Variants in FMN1 observed in about 807,000 individuals in gnomAD.
The protein encoded by FMN1 is formin 1.
In FMN1, 110 loss-of-function variants were observed where a neutral mutation model predicts 132.4. That is an observed-to-expected ratio of 0.83 (90% CI 0.71 to 0.97). The LOEUF is 0.97. FMN1 is among the 50% of genes least tolerant of loss of function. The probability of loss-of-function intolerance (pLI) is 0.00; values close to 1 mark genes in which losing one functional copy is unlikely to be tolerated. For synonymous variants in FMN1, 722 were observed against 651.7 expected (o/e 1.11, Z -1.64); for missense variants, 1,792 against 1,705.3 (o/e 1.05, Z -0.90).
At chr15:33,073,647 T>TA (rs905981740) in intron 5 of FMN1, among the ~76,000 whole-genome samples, 1 of 151,368 alleles carries the variant, frequency 6.6e-6, no homozygotes, top group African/African-American at 2.4e-5. Context: ...ATAAAAGGAG[T>TA]ACAAGATTAT....
chr15:33,150,060 A>G, intron 4 of FMN1: 2 of 985,430 alleles, frequency 2.0e-6, no homozygotes, highest in Non-Finnish European at 2.4e-6. Context: ...TTCCATCACC[A>G]CATCAGTGAC....
At chr15:32,911,842 A>G (rs139204405) in intron 10 of FMN1, among the ~76,000 whole-genome samples, 78 of 152,272 alleles carry the variant, frequency 5.1e-4, no homozygotes, top group African/African-American at 1.8e-3. Context: ...ATGTGAAACC[A>G]GTAAAGAAAA....
chr15:33,114,570 A>G (rs1330888768), intron 4 of FMN1, among the ~76,000 whole-genome samples: 1 of 152,208 alleles, frequency 6.6e-6, no homozygotes, highest in Admixed American at 6.5e-5. Context: ...ACCCAAGAAC[A>G]CCACGCAAAC....
intron 16 of FMN1, among the ~76,000 whole-genome samples, chr15:32,877,720 T>A (rs1429155756): frequency 6.6e-6 from 1 of 152,180 alleles, no homozygotes; most frequent in African/African-American, 2.4e-5. Context: ...AGTTTTCTCT[T>A]CAGACAGCTT....
intron 17 of FMN1, among the ~76,000 whole-genome samples, chr15:32,827,519 A>C (rs778841778): frequency 1.1e-4 from 17 of 152,176 alleles, no homozygotes; most frequent in Non-Finnish European, 1.6e-4. Flanking sequence ...ATCATTTCAC[A>C]TTATTGTCTT....
intron 4 of FMN1, among the ~76,000 whole-genome samples, chr15:33,099,099 T>C (rs1276361622): frequency 6.6e-6 from 1 of 152,088 alleles, no homozygotes; most frequent in African/African-American, 2.4e-5. Flanking sequence ...AAACCCCATC[T>C]ACAAAACTCC....
At chr15:32,828,375 T>C (rs1005895207) in intron 17 of FMN1, among the ~76,000 whole-genome samples, 3 of 152,244 alleles carry the variant, frequency 2.0e-5, no homozygotes. Context: ...CTTTCTGTAG[T>C]GCAGAATGTC....
intron 10 of FMN1, among the ~76,000 whole-genome samples, chr15:32,923,733 C>A (rs1180332979): frequency 6.6e-6 from 1 of 152,166 alleles, no homozygotes; most frequent in African/African-American, 2.4e-5. Context: ...GGCTAGAATG[C>A]CATGGGAAAG....
chr15:33,144,114 T>C (rs2444976), intron 4 of FMN1, among the ~76,000 whole-genome samples: 15,755 of 152,234 alleles, frequency 0.1, 1,745 homozygotes, highest in East Asian at 0.6. Context: ...GTTTTTCTTT[T>C]CTTTTGCTCT....
intron 6 of FMN1, among the ~76,000 whole-genome samples, chr15:33,055,718 T>C (rs2037186468): frequency 1.3e-5 from 2 of 152,120 alleles, no homozygotes; most frequent in Non-Finnish European, 1.5e-5. Flanking sequence ...ATTTTCATGA[T>C]TGGCTTAGAA....
rs1007755194 is a variant in FMN1, at chr15:33,154,782, T to C, written c.133A>G (p.Lys45Glu). The change falls in exon 4 of 21, where the codon AAA becomes GAA. Residue 45 changes from lysine to glutamate, a missense_variant. By Grantham distance (56) the Lys-to-Glu change is moderately conservative (BLOSUM62 1). Coordinates refer to ENST00000616417, the MANE Select transcript of FMN1 (RefSeq NM_001277313.2). ...ACTTGGTAGCAGTTATGAAAACCTT[T>C]ATTGGATCTGTCTAGAGTTACAGTG... ...KGTVTLDRSNKGFHNCYQVRE... is the reference protein window; with the variant it reads ...KGTVTLDRSNEGFHNCYQVRE... The C allele has an allele frequency of 2.6e-6, 4 of 1,536,018 alleles. No individual in the cohort carries two copies. The highest frequency in any genetic ancestry group is 2.4e-5 in the East Asian group (1 of 40,924).
chr15:33,171,476 T>C (rs896796922), intron 3 of FMN1, among the ~76,000 whole-genome samples: 4 of 152,142 alleles, frequency 2.6e-5, no homozygotes, highest in African/African-American at 9.7e-5. Context: ...ATGTATCCTA[T>C]AAATAAGTAC....
intron 4 of FMN1, among the ~76,000 whole-genome samples, chr15:33,132,540 A>C (rs1963592997): frequency 6.6e-6 from 1 of 152,162 alleles, no homozygotes; most frequent in Non-Finnish European, 1.5e-5. Context: ...AGTCACAGAA[A>C]AGTGCCAGGT....
chr15:32,890,611 G>A (rs1010590773), intron 15 of FMN1, among the ~76,000 whole-genome samples: 3 of 152,134 alleles, frequency 2.0e-5, no homozygotes, highest in Non-Finnish European at 4.4e-5. Flanking sequence ...TTTTTGATGA[G>A]ATTGTTCTTT....
chr15:32,924,370 G>T (rs973248098), intron 10 of FMN1, among the ~76,000 whole-genome samples: 1 of 152,160 alleles, frequency 6.6e-6, no homozygotes, highest in Non-Finnish European at 1.5e-5. Flanking sequence ...GTAATGTAGC[G>T]AAATTTTAAG....
At chr15:32,855,059 A>G (rs1333634887) in intron 17 of FMN1, among the ~76,000 whole-genome samples, 1 of 151,196 alleles carries the variant, frequency 6.6e-6, no homozygotes. Context: ...AGCCTAACCT[A>G]TAGCAGGCTC....
At chr15:33,003,925 C>G (rs571263326) in intron 7 of FMN1, among the ~76,000 whole-genome samples, 1 of 152,076 alleles carries the variant, frequency 6.6e-6, no homozygotes, top group Non-Finnish European at 1.5e-5. Context: ...ACAAACCTAA[C>G]AAAAACAAGC....
chr15:32,973,392 A>AG (rs1388766848), intron 7 of FMN1, among the ~76,000 whole-genome samples: 8 of 152,172 alleles, frequency 5.3e-5, no homozygotes, highest in Admixed American at 5.2e-4. Flanking sequence ...CACTCAAGGT[A>AG]GGGGGCAGAT....
chr15:33,126,962 G>C (rs1003924774), intron 4 of FMN1, among the ~76,000 whole-genome samples: 1 of 152,208 alleles, frequency 6.6e-6, no homozygotes, highest in Non-Finnish European at 1.5e-5. Flanking sequence ...ACTGTGGTTG[G>C]CTGACTCTGT....
Sources: gnomAD v4.1 joint callset for allele counts (sites outside exome capture counted in the v4.1 genomes callset) on GRCh38, gnomAD v4.1.1 for gene constraint, MANE v1.5 for transcripts, NCBI Gene and HGNC (gene_info 2026-07-23, HGNC 2026-07-21) for gene names.